The following KCND2 variants were observed in gnomAD, a reference collection of about 807,000 sequenced individuals.
The protein encoded by KCND2 is potassium voltage-gated channel subfamily D member 2, also known as A-type voltage-gated potassium channel KCND2.
A neutral mutation model predicts 54.4 loss-of-function variants in KCND2; 16 were observed. The ratio of observed to expected loss-of-function variants is 0.29; its 90% CI spans 0.20 to 0.45. The LOEUF (loss-of-function observed/expected upper bound fraction) is 0.45, where lower values mean the gene tolerates loss of function less well. Among genes scored for constraint, KCND2 ranks in the 20% least tolerant of loss-of-function variants. The pLI, the probability that KCND2 is intolerant of heterozygous loss-of-function variation, is 1.00. For synonymous variants in KCND2, 317 were observed against 310.7 expected, an observed-to-expected ratio of 1.02 and a Z score of -0.21; for missense variants, 486 against 824.2, an observed-to-expected ratio of 0.59 and a Z score of 5.02.
chr7:120,565,189 A>G (rs1007271322), intron 1 of KCND2, among the ~76,000 whole-genome samples: 1 of 152,210 alleles, frequency 6.6e-6, no homozygotes, highest in African/African-American at 2.4e-5. Flanking sequence ...ACTGAAAGGC[A>G]CATGAGAAGA....
chr7:120,468,477 A>G (rs975002475), intron 1 of KCND2, among the ~76,000 whole-genome samples: 38 of 152,128 alleles, frequency 2.5e-4, no homozygotes, highest in African/African-American at 9.2e-4. Context: ...TTCCCCAGAC[A>G]GTATGGTAGT....
intron 1 of KCND2, among the ~76,000 whole-genome samples, chr7:120,303,452 T>C (rs1003927041): frequency 2.0e-5 from 3 of 152,188 alleles, no homozygotes; most frequent in African/African-American, 7.2e-5. Flanking sequence ...TACCTGTCTT[T>C]GAAAAACTGT....
chr7:120,357,258 A>G (rs1332884883), intron 1 of KCND2, among the ~76,000 whole-genome samples: 1 of 152,146 alleles, frequency 6.6e-6, no homozygotes, highest in East Asian at 1.9e-4. Context: ...CCAAATTTTT[A>G]AATGATGAAA....
chr7:120,577,444 C>T (rs2116436497), intron 1 of KCND2, among the ~76,000 whole-genome samples: 1 of 152,230 alleles, frequency 6.6e-6, no homozygotes, highest in South Asian at 2.1e-4. Flanking sequence ...CTATAAGGGA[C>T]TTTCTCATAC....
intron 1 of KCND2, among the ~76,000 whole-genome samples, chr7:120,661,766 G>C (rs1584873639): frequency 1.3e-5 from 2 of 152,124 alleles, no homozygotes; most frequent in South Asian, 4.1e-4. Flanking sequence ...CTCTCTTAAG[G>C]GTAACCTACT....
rs1442974987 is a variant in KCND2, at chr7:120,745,923, T to G, written c.1611T>G (p.Thr537=). The change falls in exon 5 of 6, where the codon ACT becomes ACG. Residue 537 remains threonine (T), a synonymous_variant. Transcript: ENST00000331113. ...GCTGTTCACGACGACACAAAAAAACTTTTCGCATCCCAAATGCCAATGTAT... is the reference window on the plus strand; with the variant it reads ...GCTGTTCACGACGACACAAAAAAACGTTTCGCATCCCAAATGCCAATGTAT... The part of the protein sequence containing the change: ...STCCSRRHKK[T]FRIPNANVSG... 1.9e-6 allele frequency: 3 copies of G among 1,613,834 alleles called. No individual in the cohort carries two copies. The highest frequency in any genetic ancestry group is 2.5e-6 in the Non-Finnish European group (3 of 1,179,842).
intron 1 of KCND2, among the ~76,000 whole-genome samples, chr7:120,399,935 A>T (rs746348195): frequency 2.0e-5 from 3 of 152,026 alleles, no homozygotes; most frequent in African/African-American, 7.2e-5. Flanking sequence ...CATGTTGCCC[A>T]GGCTGGTCTC....
At chr7:120,744,154 C>T (rs1358215436) in intron 4 of KCND2, among the ~76,000 whole-genome samples, 1 of 151,892 alleles carries the variant, frequency 6.6e-6, no homozygotes, top group Non-Finnish European at 1.5e-5. Flanking sequence ...CCCAGCTACT[C>T]GGGAGGCTGA....
chr7:120,452,455 A>G (rs942036142), intron 1 of KCND2, among the ~76,000 whole-genome samples: 1 of 152,152 alleles, frequency 6.6e-6, no homozygotes. Context: ...TTCCAAGCAG[A>G]TCTTCAGAGG....
intron 1 of KCND2, among the ~76,000 whole-genome samples, chr7:120,372,214 T>G (rs979552802): frequency 2.0e-5 from 3 of 151,938 alleles, no homozygotes; most frequent in Admixed American, 2.0e-4. Flanking sequence ...TGTAATTTAC[T>G]CTCTTTCTTC....
chr7:120,599,545 A>G (rs1378479609), intron 1 of KCND2, among the ~76,000 whole-genome samples: 5 of 151,962 alleles, frequency 3.3e-5, no homozygotes, highest in African/African-American at 1.2e-4. Context: ...AAAATCTTGC[A>G]CATTTTGCTA....
chr7:120,410,165 A>G (rs1381865980), intron 1 of KCND2, among the ~76,000 whole-genome samples: 1 of 151,956 alleles, frequency 6.6e-6, no homozygotes, highest in Non-Finnish European at 1.5e-5. Flanking sequence ...TATTAAGCAT[A>G]CATTTGCCAT....
At chr7:120,434,594 C>G (rs1056694188) in intron 1 of KCND2, among the ~76,000 whole-genome samples, 4 of 152,184 alleles carry the variant, frequency 2.6e-5, no homozygotes, top group African/African-American at 9.7e-5. Context: ...TGCTGTGAAG[C>G]TCGCATGAAT....
intron 1 of KCND2, among the ~76,000 whole-genome samples, chr7:120,364,689 T>C (rs972888866): frequency 2.0e-5 from 3 of 152,024 alleles, no homozygotes; most frequent in Non-Finnish European, 2.9e-5. Context: ...GTAAGGAGGA[T>C]TCTGGCTAAA....
chr7:120,481,947 G>C (rs1047841557), intron 1 of KCND2, among the ~76,000 whole-genome samples: 1 of 152,188 alleles, frequency 6.6e-6, no homozygotes, highest in Non-Finnish European at 1.5e-5. Flanking sequence ...GTAAAACTCT[G>C]TGGAGCTACA....
At chr7:120,698,850 A>G (rs557903760) in intron 1 of KCND2, among the ~76,000 whole-genome samples, 11 of 152,240 alleles carry the variant, frequency 7.2e-5, no homozygotes, top group Non-Finnish European at 1.6e-4. Flanking sequence ...AAATAAGAAC[A>G]TACCACTGTG....
intron 1 of KCND2, among the ~76,000 whole-genome samples, chr7:120,535,229 C>G (rs143935844): frequency 1.5e-4 from 23 of 152,268 alleles, no homozygotes; most frequent in African/African-American, 5.5e-4. Context: ...ATTCTGTGCA[C>G]TTTTCTCATC....
At chr7:120,511,899 T>G (rs1803121346) in intron 1 of KCND2, among the ~76,000 whole-genome samples, 3 of 152,140 alleles carry the variant, frequency 2.0e-5, no homozygotes, top group African/African-American at 4.8e-5. Context: ...TATATCAAAA[T>G]AGCACCAACT....
chr7:120,426,588 G>GTTT (rs1168044122), intron 1 of KCND2, among the ~76,000 whole-genome samples: 10 of 96,636 alleles, frequency 1.0e-4, no homozygotes, highest in Non-Finnish European at 1.3e-4. Context: ...GTTTTTCTTT[G>GTTT]TTTTTTTTTT....
Sources: allele counts gnomAD v4.1 joint callset (sites outside exome capture counted in the v4.1 genomes callset), GRCh38; gene constraint gnomAD v4.1.1; transcripts MANE v1.5; gene names NCBI Gene and HGNC (gene_info 2026-07-23, HGNC 2026-07-21).